AFF1: variants seen among roughly 807,000 people sequenced by gnomAD.
The protein encoded by AFF1 is AF4/FMR2 family member 1.
Under a neutral mutation model 121.7 loss-of-function variants are expected in AFF1, and 48 were observed. The observed-to-expected ratio is 0.39, with a 90% CI of 0.31 to 0.50. AFF1 has a LOEUF of 0.50. Ranked by LOEUF, AFF1 falls within the 20% of genes least tolerant of loss-of-function variation. The pLI is 0.76. For synonymous variants in AFF1, 613 were observed against 563.0 expected (o/e 1.09, Z -1.26); for missense variants, 1,523 against 1,511.7 (o/e 1.01, Z -0.12).
intron 2 of AFF1, among the ~76,000 whole-genome samples, chr4:86,955,338 TGTTCAAAC>T (rs1309370340): frequency 6.6e-6 from 1 of 152,252 alleles, no homozygotes; most frequent in Non-Finnish European, 1.5e-5. Context: ...CTGAATAAAT[TGTTCAAAC>T]GCCAAATTTT....
rs769714593 is a variant in AFF1, at chr4:87,047,326, A to C, written c.791A>C (p.Glu264Ala). 3.1e-6 allele frequency: 5 copies of C among 1,614,174 alleles called. No homozygotes were observed. Among genetic ancestry groups the C allele is most frequent in the Non-Finnish European group, 4.2e-6 (5 of 1,180,024 alleles). Residue 264 changes from glutamate to alanine, a missense_variant, in exon 4 of 21, where the codon GAG (glutamate) becomes GCG (alanine). This residue lies in a region of AFF1 where 369 missense variants were observed against 367.2 expected (regional missense o/e 1.00). Transcript: ENST00000395146. ...KDLAVKVHDK[E>A]TPQDSLVAPA... ...CTAGCAGTGAAAGTCCATGATAAAG[A>C]GACCCCTCAAGACAGTTTGGTGGCC...
chr4:87,137,670 C>T lies in AFF1; in HGVS notation c.*1969C>T, dbSNP rs780995068. Reference sequence around the variant, plus strand: ...GTTTTAAAAACCTGTGTTAAATGAACAGTAATTGCCTGGTAGGTTTGGTGT... The same window carrying T: ...GTTTTAAAAACCTGTGTTAAATGAATAGTAATTGCCTGGTAGGTTTGGTGT... On this transcript the variant is annotated 3_prime_UTR_variant, in exon 21 of 21. Transcript: ENST00000395146. 23 of 232,476 alleles carry T rather than the reference C, an allele frequency of 9.9e-5. No individual in the cohort carries two copies. The highest frequency in any genetic ancestry group is 1.9e-4 in the Non-Finnish European group (22 of 117,646). 14.4% of individuals were successfully genotyped at this position (232,476 alleles called of 1,614,324 possible).
intron 11 of AFF1, among the ~76,000 whole-genome samples, chr4:87,113,561 A>G (rs1726776874): frequency 6.6e-6 from 1 of 152,114 alleles, no homozygotes; most frequent in Non-Finnish European, 1.5e-5. Context: ...GAATCACCGT[A>G]TTGGTCGAAT....
At chr4:86,961,825 G>A (rs1189852652) in intron 2 of AFF1, among the ~76,000 whole-genome samples, 1 of 152,054 alleles carries the variant, frequency 6.6e-6, no homozygotes, top group Non-Finnish European at 1.5e-5. Context: ...TGGCTGCCCT[G>A]TTAATAAATC....
intron 2 of AFF1, among the ~76,000 whole-genome samples, chr4:87,010,287 T>G (rs1352543236): frequency 2.0e-5 from 3 of 152,220 alleles, no homozygotes; most frequent in Non-Finnish European, 4.4e-5. Context: ...TTTAGATTTT[T>G]GGGGGTCATA....
chr4:87,111,487 G>T (rs1726527193), intron 11 of AFF1, among the ~76,000 whole-genome samples: 1 of 151,826 alleles, frequency 6.6e-6, no homozygotes, highest in South Asian at 2.1e-4. Context: ...CTGAGTAGCT[G>T]GGACTACAGG....
intron 8 of AFF1, among the ~76,000 whole-genome samples, chr4:87,104,267 T>C (rs555983253): frequency 4.4e-4 from 67 of 152,262 alleles, no homozygotes; most frequent in South Asian, 1.0e-3. Flanking sequence ...TAGCCGGGCA[T>C]GGTGGCCTGT....
intron 2 of AFF1, among the ~76,000 whole-genome samples, chr4:86,951,861 G>T (rs1174657184): frequency 6.6e-6 from 1 of 151,148 alleles, no homozygotes; most frequent in South Asian, 2.1e-4. Context: ...TGATCTGCCC[G>T]CCTTGGCCTC....
At chr4:87,012,833 G>GATCA (rs1204816530) in intron 2 of AFF1, among the ~76,000 whole-genome samples, 4 of 152,100 alleles carry the variant, frequency 2.6e-5, no homozygotes, top group Non-Finnish European at 5.9e-5. Flanking sequence ...TCTTGGCAGT[G>GATCA]ATCAGTGTTG....
intron 11 of AFF1, among the ~76,000 whole-genome samples, chr4:87,111,012 A>ATTTTTTTTTTTTTTTTTTTTTT (rs1281817683): frequency 6.8e-5 from 2 of 29,274 alleles, no homozygotes; most frequent in African/African-American, 1.8e-4. Context: ...TTTTTTTTTT[A>ATTTTTTTTTTTTTTTTTTTTTT]TTTTTTTTTT....
chr4:86,940,040 C>T (rs968150856), intron 1 of AFF1, among the ~76,000 whole-genome samples: 3 of 152,168 alleles, frequency 2.0e-5, no homozygotes, highest in Non-Finnish European at 2.9e-5. Context: ...GAAGGCTGAG[C>T]GAGCACTGCT....
intron 4 of AFF1, among the ~76,000 whole-genome samples, chr4:87,059,121 C>T (rs1190382264): frequency 6.6e-6 from 1 of 152,202 alleles, no homozygotes; most frequent in Non-Finnish European, 1.5e-5. Context: ...CTGGTGACCT[C>T]ATTTGCACTT....
At chr4:86,957,295 T>C (rs978985751) in intron 2 of AFF1, among the ~76,000 whole-genome samples, 1 of 152,206 alleles carries the variant, frequency 6.6e-6, no homozygotes, top group Non-Finnish European at 1.5e-5. Flanking sequence ...AGTACTTTTC[T>C]TCTGAAGCCA....
intron 2 of AFF1, among the ~76,000 whole-genome samples, chr4:86,991,259 A>G (rs1319225445): frequency 2.0e-5 from 3 of 152,018 alleles, no homozygotes; most frequent in African/African-American, 7.3e-5. Flanking sequence ...CCTGGGTAAC[A>G]TGGTGAAACC....
At chr4:87,083,497 G>A (rs116249667) in intron 4 of AFF1, among the ~76,000 whole-genome samples, 181 of 152,172 alleles carry the variant, frequency 1.2e-3, no homozygotes, top group Middle Eastern at 6.8e-3. Flanking sequence ...CCTTACTTTC[G>A]ACCCACTAAT....
intron 1 of AFF1, among the ~76,000 whole-genome samples, chr4:86,936,859 A>C (rs1238292484): frequency 6.6e-6 from 1 of 152,230 alleles, no homozygotes; most frequent in Non-Finnish European, 1.5e-5. Context: ...AAAATGATCC[A>C]AGGGGAGATG....
intron 4 of AFF1, among the ~76,000 whole-genome samples, chr4:87,059,723 C>T (rs1284975979): frequency 6.6e-6 from 1 of 152,204 alleles, no homozygotes; most frequent in Non-Finnish European, 1.5e-5. Flanking sequence ...CTGGTACTGC[C>T]TTGTTCCACT....
At chr4:87,023,264 TGTTTA>T (rs1728210649) in intron 2 of AFF1, among the ~76,000 whole-genome samples, 1 of 152,234 alleles carries the variant, frequency 6.6e-6, no homozygotes. Flanking sequence ...GGAAGAATTC[TGTTTA>T]GTTTTTGTTT....
In AFF1 at chr4:87,115,159, C is replaced by G; in HGVS notation, c.2326C>G (p.Leu776Val). The G allele has an allele frequency of 6.2e-7, 1 of 1,614,232 alleles. No homozygotes were observed. Among genetic ancestry groups the G allele is most frequent in the Non-Finnish European group, 8.5e-7 (1 of 1,180,050 alleles). Residue 776 changes from leucine to valine, a missense_variant, in exon 12 of 21, where the codon CTG becomes GTG. Physicochemically the swap from Leu to Val is conservative, Grantham distance 32 (BLOSUM62 1). Transcript: ENST00000395146. Reference sequence around the variant, plus strand: ...CTTGATGGTGAAGATCACCCTAGACCTGCTCTCTCGGATACCCCAGCCTCC... The same window carrying G: ...CTTGATGGTGAAGATCACCCTAGACGTGCTCTCTCGGATACCCCAGCCTCC... ...QSLMVKITLDLLSRIPQPPGK... is the reference protein window; with the variant it reads ...QSLMVKITLDVLSRIPQPPGK...
Sources: gnomAD v4.1 joint callset for allele counts (sites outside exome capture counted in the v4.1 genomes callset) on GRCh38, gnomAD v4.1.1 for gene constraint, gnomAD v4.1.1 regional missense constraint, MANE v1.5 for transcripts, NCBI Gene and HGNC (gene_info 2026-07-23, HGNC 2026-07-21) for gene names.